DMD: variants seen among roughly 807,000 people sequenced by gnomAD.
DMD encodes dystrophin, also known as mutant dystrophin.
Under a neutral mutation model 330.1 loss-of-function variants are expected in DMD, and 63 were observed. The ratio of observed to expected loss-of-function variants is 0.19; its 90% confidence interval spans 0.16 to 0.24. The LOEUF is 0.24. DMD is among the 10% of genes least tolerant of loss of function. The probability of loss-of-function intolerance (pLI) is 1.00; values close to 1 mark genes in which losing one functional copy is unlikely to be tolerated. For synonymous variants in DMD, 1,223 were observed against 959.8 expected (o/e 1.27, Z -5.07); for missense variants, 3,344 against 2,684.1 (o/e 1.25, Z -5.43).
chrX:32,250,387 T>C (rs1204705693), intron 43 of DMD, among the ~76,000 whole-genome samples: 3 of 112,251 alleles, frequency 2.7e-5, no homozygotes, highest in African/African-American at 9.7e-5. Context: ...TCTTTTTAGC[T>C]AATATTGTGG....
At chrX:31,785,666 G>A (rs764784039) in intron 50 of DMD, among the ~76,000 whole-genome samples, 77 of 108,502 alleles carry the variant, frequency 7.1e-4, no homozygotes, top group African/African-American at 2.4e-3. Flanking sequence ...TGTTCTCATC[G>A]TTCAACTCCC....
chrX:32,464,996 T>C (rs2098396549), intron 23 of DMD, among the ~76,000 whole-genome samples: 2 of 112,058 alleles, frequency 1.8e-5, no homozygotes, highest in Non-Finnish European at 1.9e-5. Flanking sequence ...AATTTTAAGT[T>C]ACAAAACAAC....
chrX:32,280,522 T>A (rs7882573), intron 43 of DMD, among the ~76,000 whole-genome samples: 241 of 111,396 alleles, frequency 2.2e-3, no homozygotes, highest in African/African-American at 7.4e-3. Context: ...CATAAAAATC[T>A]TCAAATATGG....
chrX:32,585,986 C>A (rs1048743138), intron 13 of DMD, among the ~76,000 whole-genome samples: 1 of 110,320 alleles, frequency 9.1e-6, no homozygotes, highest in Non-Finnish European at 1.9e-5. Context: ...TGAAATCTAG[C>A]GTTAACTGTA....
chrX:32,211,028 AAGCTGAAGAGCAGCTAAAGGGAG>A (rs1246610294), intron 44 of DMD, among the ~76,000 whole-genome samples: 2 of 111,902 alleles, frequency 1.8e-5, no homozygotes, highest in Admixed American at 1.9e-4. Flanking sequence ...TGGTAAGGTA[AAGCTGAAGAGCAGCTAAAGGGAG>A]AGCTGAAGAG....
At chrX:32,230,156 C>A (rs1457571031) in intron 43 of DMD, among the ~76,000 whole-genome samples, 1 of 111,946 alleles carries the variant, frequency 8.9e-6, no homozygotes, top group Non-Finnish European at 1.9e-5. Context: ...TCAAATTTAT[C>A]CATAAGTAAT....
In DMD at chrX:31,202,164, C is replaced by T. The variant is rs748214163; in HGVS notation, c.9807+1797G>A. Among the ~76,000 whole-genome samples, 245 of 111,153 alleles carry T rather than the reference C, an allele frequency of 2.2e-3. 2 individuals carry two copies. Among genetic ancestry groups the T allele is most frequent in the African/African-American group, 7.4e-3 (226 of 30,555 alleles). On this transcript the variant is annotated intron_variant, in intron 67 of 78. Transcript: ENST00000357033. ...TCGCGCCATTGCACTCCAGCCTGGG[C>T]GACAGAGGGAGACTCCATCTCAAAA...
At chrX:31,720,674 T>C (rs1413226275) in intron 52 of DMD, among the ~76,000 whole-genome samples, 1 of 111,916 alleles carries the variant, frequency 8.9e-6, no homozygotes, top group Admixed American at 9.5e-5. Context: ...TTGTTTATTA[T>C]GTTTAATTTT....
At chrX:31,478,411 CT>C (rs202022179) in intron 58 of DMD, 37 bp from the exon 59 acceptor site, 14 of 1,199,135 alleles carry the variant, frequency 1.2e-5, no homozygotes, top group South Asian at 5.3e-5. Context: ...AGGCCACATT[CT>C]TTTTTTTTAA....
rs761368741 is a variant in DMD at position 31,540,947 on chromosome X, T to C, written c.8218-33494A>G. Reference sequence around the variant, plus strand: ...GTAAGAGGAATATCATTTGGTGATATAAAACTTGGCCCTTTTGAGAGTGTG... The same window carrying C: ...GTAAGAGGAATATCATTTGGTGATACAAAACTTGGCCCTTTTGAGAGTGTG... On this transcript the variant is annotated intron_variant, in intron 55 of 78. Coordinates refer to ENST00000357033, the MANE Select transcript of DMD (RefSeq NM_004006.3). Among the ~76,000 whole-genome samples, 14 of 112,387 alleles carry C rather than the reference T, an allele frequency of 1.2e-4. 1 individual carries two copies. The South Asian group carries it at 2.6e-3, about 21-fold the overall frequency.
At chrX:31,852,639 C>T (rs941038407) in intron 48 of DMD, among the ~76,000 whole-genome samples, 2 of 111,637 alleles carry the variant, frequency 1.8e-5, no homozygotes, top group East Asian at 2.8e-4. Flanking sequence ...TGTAGAGAAA[C>T]GGTTAGGTTC....
chrX:31,790,730 T>C (rs889217708), intron 50 of DMD, among the ~76,000 whole-genome samples: 2 of 110,750 alleles, frequency 1.8e-5, no homozygotes, highest in African/African-American at 6.6e-5. Context: ...CAACAAGAGA[T>C]CAAATGAGGA....
At chrX:31,490,389 C>A (rs1308575258) in intron 57 of DMD, among the ~76,000 whole-genome samples, 1 of 110,729 alleles carries the variant, frequency 9.0e-6, no homozygotes, top group Non-Finnish European at 1.9e-5. Flanking sequence ...GGTGAAACCC[C>A]GTCTCTACTA....
chrX:31,421,952 TATATATACAC>T (rs2063419211), intron 60 of DMD, among the ~76,000 whole-genome samples: 14 of 80,705 alleles, frequency 1.7e-4, no homozygotes, highest in African/African-American at 9.6e-4. Context: ...CATATATATA[TATATATACAC>T]ATATATATAT....
chrX:31,849,483 G>A (rs1490261500), intron 48 of DMD, among the ~76,000 whole-genome samples: 5 of 110,639 alleles, frequency 4.5e-5, no homozygotes, highest in African/African-American at 1.6e-4. Context: ...GGGGATGGAC[G>A]GCAGAGAGAA....
At chrX:32,474,139 C>A (rs1204068830) in intron 21 of DMD, among the ~76,000 whole-genome samples, 2 of 110,620 alleles carry the variant, frequency 1.8e-5, no homozygotes, top group African/African-American at 6.6e-5. Flanking sequence ...TCATTCAGGT[C>A]ACTGCAAATG....
chrX:31,883,272 G>A (rs997071872), intron 47 of DMD, among the ~76,000 whole-genome samples: 4 of 111,701 alleles, frequency 3.6e-5, no homozygotes, highest in African/African-American at 1.3e-4. Flanking sequence ...TAATCTAGGT[G>A]TTAGAAGTCA....
At chrX:33,262,420 T>C (rs1228749237) in intron 1 of DMD, among the ~76,000 whole-genome samples, 1 of 111,438 alleles carries the variant, frequency 9.0e-6, no homozygotes, top group Non-Finnish European at 1.9e-5. Context: ...TAATGGCTGA[T>C]AATTTTATAG....
intron 44 of DMD, among the ~76,000 whole-genome samples, chrX:32,008,713 ATCATTTAACTGT>A (rs2095682602): frequency 8.9e-6 from 1 of 111,741 alleles, no homozygotes; most frequent in African/African-American, 3.3e-5. Context: ...AGGTGGGAGA[ATCATTTAACTGT>A]TCACAGAGGA....
Sources: allele counts gnomAD v4.1 joint callset (sites outside exome capture counted in the v4.1 genomes callset), GRCh38; gene constraint gnomAD v4.1.1; transcripts MANE v1.5; gene names NCBI Gene and HGNC (gene_info 2026-07-23, HGNC 2026-07-21).